ARPP21: variants seen among roughly 807,000 people sequenced by gnomAD.
ARPP21 encodes the protein cAMP regulated phosphoprotein 21.
A neutral mutation model predicts 113.2 loss-of-function variants in ARPP21; 69 were observed. The observed-to-expected ratio is 0.61, with a 90% CI of 0.50 to 0.74. The LOEUF is 0.74. Ranked by LOEUF, ARPP21 falls within the 30% of genes least tolerant of loss-of-function variation. The pLI, the probability that ARPP21 is intolerant of heterozygous loss-of-function variation, is 0.00. For synonymous variants in ARPP21, 368 were observed against 375.5 expected, an observed-to-expected ratio of 0.98 and a Z score of 0.23; for missense variants, 1,070 against 1,037.4, an observed-to-expected ratio of 1.03 and a Z score of -0.43.
At chr3:35,710,333 A>T (rs1164211493) in intron 11 of ARPP21, among the ~76,000 whole-genome samples, 2 of 152,102 alleles carry the variant, frequency 1.3e-5, no homozygotes, top group African/African-American at 4.8e-5. Context: ...ATACAGCCTG[A>T]CATATGGTGG....
At position 35,643,234 on chromosome 3, in the gene ARPP21, G is replaced by A. The variant is rs60520718; in HGVS notation, c.-213+2836G>A. Among the ~76,000 whole-genome samples, 1,305 of 152,166 alleles carry A rather than the reference G, an allele frequency of 8.6e-3. 21 individuals are homozygous for A. The highest frequency in any genetic ancestry group is 0.029 in the African/African-American group (1,205 of 41,538). On this transcript the variant is annotated intron_variant, in intron 1 of 20. Transcript: ENST00000684406. ...GCAAGGTTAATAAACATAAGAGAAA[G>A]TAAGCAGTTTCTATTAAATGGGGAA...
intron 9 of ARPP21, among the ~76,000 whole-genome samples, chr3:35,696,200 A>G (rs1331317410): frequency 1.3e-5 from 2 of 151,636 alleles, no homozygotes; most frequent in Admixed American, 6.6e-5. Flanking sequence ...CCAAGAGTAG[A>G]AAGACTTAGG....
chr3:35,750,326 G>A (rs973227196), intron 19 of ARPP21, among the ~76,000 whole-genome samples: 11 of 151,812 alleles, frequency 7.2e-5, no homozygotes, highest in Non-Finnish European at 1.6e-4. Flanking sequence ...TCTTTGGCCC[G>A]TGGATTATTT....
intron 19 of ARPP21, among the ~76,000 whole-genome samples, chr3:35,786,152 T>C (rs1340274839): frequency 6.6e-6 from 1 of 152,210 alleles, no homozygotes; most frequent in East Asian, 1.9e-4. Context: ...CAAGTATATA[T>C]ATTTTAACCG....
intron 18 of ARPP21, 113 bp from the exon 19 acceptor site, chr3:35,743,726 C>A: frequency 1.8e-6 from 2 of 1,091,860 alleles, no homozygotes; most frequent in East Asian, 2.5e-5. Flanking sequence ...GAGAAGTTTG[C>A]GGTGGCCATC....
chr3:35,759,189 A>G (rs74917343), intron 19 of ARPP21, among the ~76,000 whole-genome samples: 7,790 of 152,088 alleles, frequency 0.051, 628 homozygotes, highest in African/African-American at 0.17. Context: ...TACAGATAGA[A>G]GACTCTAACT....
chr3:35,659,445 A>G (rs1706620847), intron 1 of ARPP21, among the ~76,000 whole-genome samples: 1 of 152,192 alleles, frequency 6.6e-6, no homozygotes, highest in Non-Finnish European at 1.5e-5. Context: ...TATAGAAGAC[A>G]TTTACATTTT....
chr3:35,713,670 A>G (rs1404511168), intron 11 of ARPP21, among the ~76,000 whole-genome samples: 1 of 152,148 alleles, frequency 6.6e-6, no homozygotes, highest in Non-Finnish European at 1.5e-5. Context: ...CTGGGATTAC[A>G]AGTGTGAGCC....
At chr3:35,762,367 G>A (rs2095814893) in intron 19 of ARPP21, among the ~76,000 whole-genome samples, 1 of 151,928 alleles carries the variant, frequency 6.6e-6, no homozygotes, top group Non-Finnish European at 1.5e-5. Context: ...TTATTTCTGA[G>A]TTTTTGCTTA....
At position 35,721,973 on chromosome 3, in the gene ARPP21, C is replaced by A. The variant is rs895024934; in HGVS notation, c.1225+139C>A. 51 of 622,728 alleles carry A rather than the reference C, an allele frequency of 8.2e-5. 2 individuals are homozygous for A. In the South Asian group the frequency reaches 1.1e-3, roughly 13 times the overall value. The allele number at this position is 622,728 out of a possible 1,614,324, so 38.6% of individuals were successfully genotyped here. ...AGGGATAGCTGGAAATCAGAAGGTACAATTTAAATAGGTTACTGACTCTTT... is the reference window on the plus strand; with the variant it reads ...AGGGATAGCTGGAAATCAGAAGGTAAAATTTAAATAGGTTACTGACTCTTT... On this transcript the variant is annotated intron_variant, in intron 14 of 20. Coordinates refer to ENST00000684406, the MANE Select transcript of ARPP21 (RefSeq NM_001385562.1).
chr3:35,648,660 G>C (rs750866435), intron 1 of ARPP21, among the ~76,000 whole-genome samples: 1 of 152,144 alleles, frequency 6.6e-6, no homozygotes, highest in Admixed American at 6.6e-5. Flanking sequence ...CCAGAGGAGG[G>C]AAAGACTTCT....
At chr3:35,787,011 T>C (rs1351564869) in intron 19 of ARPP21, among the ~76,000 whole-genome samples, 1 of 152,192 alleles carries the variant, frequency 6.6e-6, no homozygotes, top group Non-Finnish European at 1.5e-5. Flanking sequence ...AAAATATTTC[T>C]GTCTTAAAGG....
intron 10 of ARPP21, among the ~76,000 whole-genome samples, 180 bp downstream of exon 10, chr3:35,707,262 C>CA (rs1000572175): frequency 1.4e-4 from 21 of 150,452 alleles, no homozygotes; most frequent in South Asian, 2.1e-4. Flanking sequence ...CAATGGGTAG[C>CA]AAAAAAAAAT....
rs139930482 is a variant in ARPP21, at chr3:35,748,129, A to G, written c.2137+4164A>G. Reference sequence around the variant, plus strand: ...AAGAAAGAAGAAAGAAAGAAAGAAAAGAAAGAAAGGGAGAAAGGAGAGAGA... The same window carrying G: ...AAGAAAGAAGAAAGAAAGAAAGAAAGGAAAGAAAGGGAGAAAGGAGAGAGA... On this transcript the variant is annotated intron_variant, in intron 19 of 20. Coordinates refer to ENST00000684406, the MANE Select transcript of ARPP21 (RefSeq NM_001385562.1). Among the ~76,000 whole-genome samples the G allele has an allele frequency of 3.3e-3, 436 of 131,110 alleles. 1 individual carries two copies. Among genetic ancestry groups the G allele is most frequent in the Non-Finnish European group, 5.3e-3 (307 of 57,746 alleles). 86.0% of individuals were successfully genotyped at this position (131,110 alleles called of 152,430 possible). A position where few individuals can be genotyped will look rare whatever the true frequency, so the allele number is the denominator to read the frequency against.
chr3:35,750,233 T>C (rs2095355435), intron 19 of ARPP21, among the ~76,000 whole-genome samples: 1 of 151,964 alleles, frequency 6.6e-6, no homozygotes. Context: ...AGTCTTGCTT[T>C]AGCTGTGTCC....
At chr3:35,653,599 G>A (rs1703447619) in intron 1 of ARPP21, among the ~76,000 whole-genome samples, 1 of 152,034 alleles carries the variant, frequency 6.6e-6, no homozygotes, top group African/African-American at 2.4e-5. Flanking sequence ...CGGTGTCATA[G>A]GAAGGGGGTA....
intron 1 of ARPP21, among the ~76,000 whole-genome samples, chr3:35,669,984 C>G (rs28454371): frequency 0.012 from 1,839 of 152,208 alleles, 38 homozygotes; most frequent in African/African-American, 0.042. Context: ...CTGTCATCAT[C>G]TGAGTTCAGA....
rs941469355 is a variant in ARPP21 at position 35,682,875 on chromosome 3, A to C, written c.157A>C (p.Arg53=). The part of the protein sequence containing the change: ...QRRLEAQNQE[R]RKSKSGAGKG... ...GCGGCTGGAGGCTCAGAATCAAGAA[A>C]GAAGAAAATCCAAGGTAGGGTTCTT... is the stretch of plus-strand genomic sequence containing the variant. Residue 53 remains arginine (R), a synonymous_variant, in exon 4 of 21, where the codon AGA becomes CGA. Coordinates refer to ENST00000684406, the MANE Select transcript of ARPP21 (RefSeq NM_001385562.1). The C allele has an allele frequency of 6.2e-7, 1 of 1,609,932 alleles. No individual in the cohort carries two copies. The highest frequency in any genetic ancestry group is 8.5e-7 in the Non-Finnish European group (1 of 1,177,730).
intron 8 of ARPP21, 99 bp from the exon 9 acceptor site, chr3:35,690,766 T>C (rs2082017103): frequency 3.5e-6 from 4 of 1,132,214 alleles, no homozygotes; most frequent in Admixed American, 2.8e-5. Flanking sequence ...CTTAGTGGTT[T>C]AGATGAAGAA....
Sources: gnomAD v4.1 joint callset for allele counts (sites outside exome capture counted in the v4.1 genomes callset) on GRCh38, gnomAD v4.1.1 for gene constraint, MANE v1.5 for transcripts, NCBI Gene and HGNC (gene_info 2026-07-23, HGNC 2026-07-21) for gene names.